ATRNL1: variants seen among roughly 807,000 people sequenced by gnomAD.
The protein encoded by ATRNL1 is attractin like 1.
ATRNL1 carries 95 observed loss-of-function variants against 182.7 expected under a neutral mutation model. The ratio of observed to expected loss-of-function variants is 0.52; its 90% CI spans 0.44 to 0.62. ATRNL1 has a LOEUF of 0.62. Among genes scored for constraint, ATRNL1 ranks in the 20% least tolerant of loss-of-function variants. The pLI, the probability that ATRNL1 is intolerant of heterozygous loss-of-function variation, is 0.00. For missense variants in ATRNL1, 1,471 were observed against 1,679.5 expected, an observed-to-expected ratio of 0.88 and a Z score of 2.17; for synonymous variants, 576 against 568.3, an observed-to-expected ratio of 1.01 and a Z score of -0.19.
At chr10:115,309,953 C>G (rs1663828354) in intron 17 of ATRNL1, among the ~76,000 whole-genome samples, 1 of 152,034 alleles carries the variant, frequency 6.6e-6, no homozygotes, top group African/African-American at 2.4e-5. Context: ...ATGCGTTCAA[C>G]ATTTCCCCAT....
chr10:115,639,881 T>G (rs1859123884), intron 26 of ATRNL1, among the ~76,000 whole-genome samples: 1 of 152,116 alleles, frequency 6.6e-6, no homozygotes, highest in South Asian at 2.1e-4. Context: ...TATATACATG[T>G]GCCATGGTGG....
chr10:115,668,556 A>G (rs541279691), intron 26 of ATRNL1, among the ~76,000 whole-genome samples: 2 of 152,266 alleles, frequency 1.3e-5, no homozygotes, highest in South Asian at 4.1e-4. Flanking sequence ...TTTCAAAATG[A>G]AATCTTCTGA....
chr10:115,367,969 T>G (rs1376060254), intron 19 of ATRNL1, among the ~76,000 whole-genome samples: 3 of 151,738 alleles, frequency 2.0e-5, no homozygotes, highest in Admixed American at 1.3e-4. Flanking sequence ...ACTGCTGTCT[T>G]TTTGTTTGTC....
intron 27 of ATRNL1, among the ~76,000 whole-genome samples, chr10:115,781,699 G>A (rs1949270204): frequency 6.6e-6 from 1 of 152,174 alleles, no homozygotes; most frequent in Non-Finnish European, 1.5e-5. Context: ...AAGTTTCTGA[G>A]ATGATGAAAA....
chr10:115,564,807 C>G (rs1853975587), intron 26 of ATRNL1, among the ~76,000 whole-genome samples: 1 of 151,780 alleles, frequency 6.6e-6, no homozygotes. Flanking sequence ...GAATATACAT[C>G]TTTTTCTACA....
rs74745906 is a variant in ATRNL1 at position 115,887,020 on chromosome 10, T to G, written c.4018+39029T>G. Among the ~76,000 whole-genome samples, 1,037 of 152,310 alleles carry G rather than the reference T, an allele frequency of 6.8e-3. 7 individuals carry two copies. Among genetic ancestry groups the G allele is most frequent in the African/African-American group, 0.024 (1,005 of 41,562 alleles). ...ACATTCGTTCTAGTTTGCCAAATAT[T>G]TATTGAGTGCTAACCATGTGCAGGC... On this transcript the variant is annotated intron_variant, in intron 28 of 28. Transcript: ENST00000355044.
intron 10 of ATRNL1, among the ~76,000 whole-genome samples, chr10:115,247,131 A>G (rs1445146777): frequency 1.3e-5 from 2 of 152,220 alleles, no homozygotes; most frequent in Non-Finnish European, 2.9e-5. Context: ...CCGCAACAGC[A>G]CAGGCAACAA....
At chr10:115,762,855 TCTAA>T (rs1555073983) in intron 27 of ATRNL1, among the ~76,000 whole-genome samples, 1 of 152,140 alleles carries the variant, frequency 6.6e-6, no homozygotes, top group African/African-American at 2.4e-5. Flanking sequence ...ATACAATTTT[TCTAA>T]CTGTTGAAAT....
intron 13 of ATRNL1, among the ~76,000 whole-genome samples, chr10:115,272,911 T>G (rs1226932750): frequency 1.3e-5 from 2 of 152,140 alleles, no homozygotes; most frequent in African/African-American, 4.8e-5. Flanking sequence ...AATACCAAGA[T>G]AGTAGAGAAA....
At chr10:115,876,621 A>T (rs967303967) in intron 28 of ATRNL1, among the ~76,000 whole-genome samples, 1 of 152,182 alleles carries the variant, frequency 6.6e-6, no homozygotes, top group Admixed American at 6.5e-5. Context: ...GTAAATAGAC[A>T]TAGAATTCAG....
intron 18 of ATRNL1, among the ~76,000 whole-genome samples, chr10:115,317,188 C>T (rs1554929943): frequency 6.6e-6 from 1 of 152,086 alleles, no homozygotes; most frequent in African/African-American, 2.4e-5. Context: ...TTCCCCGTTG[C>T]TTGCTTTTGT....
chr10:115,560,047 G>A (rs913896625), intron 26 of ATRNL1, among the ~76,000 whole-genome samples: 3 of 152,146 alleles, frequency 2.0e-5, no homozygotes, highest in Non-Finnish European at 2.9e-5. Context: ...GGTTCAGGAT[G>A]CCAGAGCAAT....
chr10:115,271,991 A>T (rs782339805), intron 13 of ATRNL1, among the ~76,000 whole-genome samples: 21 of 152,042 alleles, frequency 1.4e-4, no homozygotes, highest in Non-Finnish European at 2.5e-4. Flanking sequence ...GGTTCACTTG[A>T]GGTCTGGTCG....
chr10:115,129,597 A>G, intron 5 of ATRNL1, 62 bp downstream of exon 5: 1 of 1,382,348 alleles, frequency 7.2e-7, no homozygotes, highest in South Asian at 1.3e-5. Context: ...AGATTAATAC[A>G]AATTCCACAC....
chr10:115,156,184 T>G (rs1846510097), intron 5 of ATRNL1, among the ~76,000 whole-genome samples: 1 of 152,158 alleles, frequency 6.6e-6, no homozygotes, highest in African/African-American at 2.4e-5. Flanking sequence ...ATTGAAACTT[T>G]TATACTTTAA....
intron 26 of ATRNL1, among the ~76,000 whole-genome samples, chr10:115,571,858 A>G (rs974326739): frequency 2.0e-5 from 3 of 151,930 alleles, no homozygotes. Context: ...CATATAAGAC[A>G]TATTTCTGTG....
At chr10:115,439,883 T>C (rs1181445550) in intron 21 of ATRNL1, among the ~76,000 whole-genome samples, 1 of 151,922 alleles carries the variant, frequency 6.6e-6, no homozygotes, top group Non-Finnish European at 1.5e-5. Flanking sequence ...TTGATTATTC[T>C]TATATGAAAG....
At chr10:115,493,946 A>G (rs1346188789) in intron 24 of ATRNL1, among the ~76,000 whole-genome samples, 3 of 152,108 alleles carry the variant, frequency 2.0e-5, no homozygotes, top group African/African-American at 7.2e-5. Flanking sequence ...TTCTTTGCCC[A>G]CATTTTAATG....
rs554355103 is a variant in ATRNL1 at position 115,368,093 on chromosome 10, C to T, written c.3176-26566C>T. Among the ~76,000 whole-genome samples the T allele has an allele frequency of 8.3e-4, 126 of 152,320 alleles. 1 individual carries two copies. Among genetic ancestry groups the T allele is most frequent in the African/African-American group, 2.9e-3 (121 of 41,574 alleles). ...TGGCTGCTTTGTTTACCTAAGCAAG[C>T]CTGGGCAATGGCGGGCGCCCCTCCC... is the stretch of plus-strand genomic sequence containing the variant. On this transcript the variant is annotated intron_variant, in intron 19 of 28. Transcript: ENST00000355044.
Sources: allele counts gnomAD v4.1 joint callset (sites outside exome capture counted in the v4.1 genomes callset), GRCh38; gene constraint gnomAD v4.1.1; transcripts MANE v1.5; gene names NCBI Gene and HGNC (gene_info 2026-07-23, HGNC 2026-07-21).